Variants in ZMIZ1 observed in about 807,000 individuals in gnomAD.
ZMIZ1 encodes zinc finger MIZ domain-containing protein 1.
ZMIZ1 carries 17 observed loss-of-function variants against 113.9 expected under a neutral mutation model. The observed-to-expected ratio is 0.15, with a 90% CI of 0.10 to 0.22. ZMIZ1 has a LOEUF of 0.22. Ranked by LOEUF, ZMIZ1 falls within the 10% of genes least tolerant of loss-of-function variation. The pLI is 1.00. For missense variants in ZMIZ1, 1,059 were observed against 1,477.8 expected, an observed-to-expected ratio of 0.72 and a Z score of 4.65; for synonymous variants, 607 against 603.1, an observed-to-expected ratio of 1.01 and a Z score of -0.09.
At chr10:79,239,756 A>G (rs999074596) in intron 7 of ZMIZ1, among the ~76,000 whole-genome samples, 5 of 152,104 alleles carry the variant, frequency 3.3e-5, no homozygotes, top group Middle Eastern at 3.2e-3. Flanking sequence ...GGTGACCTAC[A>G]TCCTAGGTGG....
At chr10:79,312,619 C>G (rs371878683) in intron 24 of ZMIZ1, 23 bp from the exon 25 acceptor site, 15 of 1,612,694 alleles carry the variant, frequency 9.3e-6, no homozygotes, top group Non-Finnish European at 1.2e-5. Context: ...CTCATCTGAA[C>G]TTCATTACTC....
chr10:79,132,314 G>T (rs1210314690), intron 2 of ZMIZ1, among the ~76,000 whole-genome samples: 4 of 152,160 alleles, frequency 2.6e-5, no homozygotes, highest in Admixed American at 6.5e-5. Context: ...TCCTACAAGG[G>T]TAATACATGG....
intron 4 of ZMIZ1, among the ~76,000 whole-genome samples, chr10:79,165,689 G>A (rs1309986887): frequency 2.0e-5 from 3 of 152,190 alleles, no homozygotes; most frequent in African/African-American, 2.4e-5. Flanking sequence ...CATTCAGGCC[G>A]GAGAGTTCGG....
At chr10:79,175,583 C>CGTGT (rs757004699) in intron 4 of ZMIZ1, among the ~76,000 whole-genome samples, 3,643 of 125,244 alleles carry the variant, frequency 0.029, 66 homozygotes, top group African/African-American at 0.031. Context: ...GTGCACTCTG[C>CGTGT]GTGTGTGTGT....
intron 7 of ZMIZ1, among the ~76,000 whole-genome samples, chr10:79,271,551 C>T (rs938084198): frequency 6.6e-6 from 1 of 152,122 alleles, no homozygotes; most frequent in Admixed American, 6.5e-5. Context: ...TATGGGGTTG[C>T]AGGGATTGGT....
chr10:79,121,325 A>G (rs1304513178), intron 2 of ZMIZ1, among the ~76,000 whole-genome samples: 1 of 152,230 alleles, frequency 6.6e-6, no homozygotes, highest in African/African-American at 2.4e-5. Flanking sequence ...CCTCAATTCA[A>G]CACTTCCTTT....
At chr10:79,251,857 G>C (rs1011725457) in intron 7 of ZMIZ1, among the ~76,000 whole-genome samples, 1 of 152,208 alleles carries the variant, frequency 6.6e-6, no homozygotes, top group Non-Finnish European at 1.5e-5. Context: ...GTCCCAGGGG[G>C]TCAGGGCAGC....
intron 4 of ZMIZ1, among the ~76,000 whole-genome samples, chr10:79,168,695 G>A (rs972605834): frequency 2.0e-5 from 3 of 152,178 alleles, no homozygotes; most frequent in Non-Finnish European, 4.4e-5. Context: ...ATCGTGTGGC[G>A]CATGGTCACG....
intron 2 of ZMIZ1, among the ~76,000 whole-genome samples, chr10:79,137,794 G>A (rs1159611336): frequency 6.6e-6 from 1 of 151,802 alleles, no homozygotes; most frequent in Non-Finnish European, 1.5e-5. Flanking sequence ...CTGGACCCTG[G>A]GGGAGGACCT....
At chr10:79,267,206 T>C (rs1851658853) in intron 7 of ZMIZ1, among the ~76,000 whole-genome samples, 1 of 152,132 alleles carries the variant, frequency 6.6e-6, no homozygotes, top group Admixed American at 6.5e-5. Flanking sequence ...AGTTGGGTGC[T>C]AGGGGAGCAC....
intron 8 of ZMIZ1, among the ~76,000 whole-genome samples, chr10:79,281,826 A>G (rs1195893612): frequency 6.6e-6 from 1 of 152,242 alleles, no homozygotes; most frequent in Non-Finnish European, 1.5e-5. Context: ...GAATTGCCCC[A>G]GAACACACAG....
intron 3 of ZMIZ1, among the ~76,000 whole-genome samples, chr10:79,154,967 G>A (rs1229769053): frequency 6.6e-6 from 1 of 152,126 alleles, no homozygotes; most frequent in African/African-American, 2.4e-5. Context: ...CGTGCATATG[G>A]GCCTAATCTT....
chr10:79,077,846 C>G (rs929497609), intron 1 of ZMIZ1, among the ~76,000 whole-genome samples: 5 of 152,202 alleles, frequency 3.3e-5, no homozygotes, highest in Non-Finnish European at 7.3e-5. Context: ...AGTAAGTGCT[C>G]AAGAAAAGGT....
At chr10:79,200,921 G>A (rs534706177) in intron 4 of ZMIZ1, among the ~76,000 whole-genome samples, 17 of 152,122 alleles carry the variant, frequency 1.1e-4, no homozygotes, top group South Asian at 4.1e-4. Flanking sequence ...ACATACACAC[G>A]TACACACACA....
rs1838068129 is a variant in ZMIZ1 at position 79,299,332 on chromosome 10, C to T, written c.1808+141C>T. ...CACGTGTTCAGCATCATTGACTGGG[C>T]CCTGTCCTGCGGTTGTCATGGGAAG... On this transcript the variant is annotated intron_variant, in intron 16 of 24. Transcript: ENST00000334512. 3 of 1,264,274 alleles carry T rather than the reference C, an allele frequency of 2.4e-6. No homozygotes were observed. In the African/African-American group the frequency reaches 4.5e-5, roughly 19 times the overall value. 78.3% of individuals were successfully genotyped at this position (1,264,274 alleles called of 1,614,324 possible).
intron 8 of ZMIZ1, among the ~76,000 whole-genome samples, chr10:79,280,139 C>T (rs1156803854): frequency 1.3e-5 from 2 of 152,048 alleles, no homozygotes; most frequent in Non-Finnish European, 2.9e-5. Flanking sequence ...AGGCATTCAC[C>T]ACCACCCATG....
chr10:79,180,519 C>T (rs985639342), intron 4 of ZMIZ1, among the ~76,000 whole-genome samples: 9 of 152,330 alleles, frequency 5.9e-5, no homozygotes, highest in South Asian at 4.1e-4. Flanking sequence ...CATCTGAGGG[C>T]GACATCCCCC....
chr10:79,071,141 G>A (rs911813032), intron 1 of ZMIZ1, among the ~76,000 whole-genome samples: 3 of 152,334 alleles, frequency 2.0e-5, no homozygotes, highest in Admixed American at 6.5e-5. Context: ...GTGGGCGGCC[G>A]CCTGTGGAAG....
chr10:79,071,134 G>C (rs992995251), intron 1 of ZMIZ1, among the ~76,000 whole-genome samples: 1 of 152,216 alleles, frequency 6.6e-6, no homozygotes, highest in African/African-American at 2.4e-5. Flanking sequence ...AAGGGCAGTG[G>C]GCGGCCGCCT....
Sources: allele counts gnomAD v4.1 joint callset (sites outside exome capture counted in the v4.1 genomes callset), GRCh38; gene constraint gnomAD v4.1.1; transcripts MANE v1.5; gene names NCBI Gene and HGNC (gene_info 2026-07-23, HGNC 2026-07-21).